TUBGCP3: variants seen among roughly 807,000 people sequenced by gnomAD.
TUBGCP3 encodes the protein gamma-tubulin complex component 3.
In TUBGCP3, 50 loss-of-function variants were observed where a neutral mutation model predicts 123.1. The observed-to-expected ratio is 0.41, with a 90% CI of 0.32 to 0.51. TUBGCP3 has a LOEUF of 0.51. Ranked by LOEUF, TUBGCP3 falls within the 20% of genes least tolerant of loss-of-function variation. The probability of loss-of-function intolerance (pLI) is 0.36; values close to 1 mark genes in which losing one functional copy is unlikely to be tolerated. For missense variants in TUBGCP3, 882 were observed against 1,127.0 expected (o/e 0.78, Z 3.11); for synonymous variants, 405 against 413.9 (o/e 0.98, Z 0.26).
At chr13:112,518,834 A>T (rs1876378863) in intron 16 of TUBGCP3, 141 bp downstream of exon 16, 4 of 676,306 alleles carry the variant, frequency 5.9e-6, no homozygotes, top group Admixed American at 5.1e-5. Flanking sequence ...TTTTGGCTTA[A>T]GTATTCATTC....
chr13:112,587,530 G>A (rs1368675327), intron 1 of TUBGCP3, among the ~76,000 whole-genome samples: 1 of 152,238 alleles, frequency 6.6e-6, no homozygotes, highest in African/African-American at 2.4e-5. Flanking sequence ...CCAGAGAAGG[G>A]GGATAAATTG....
chr13:112,578,452 G>A (rs894435772), intron 1 of TUBGCP3, among the ~76,000 whole-genome samples: 8 of 148,886 alleles, frequency 5.4e-5, no homozygotes, highest in Middle Eastern at 3.2e-3. Context: ...CCAGCTACTC[G>A]GGAGGCTGAG....
chr13:112,584,505 A>T (rs1882479051), intron 1 of TUBGCP3, among the ~76,000 whole-genome samples: 1 of 152,238 alleles, frequency 6.6e-6, no homozygotes, highest in African/African-American at 2.4e-5. Flanking sequence ...CTTCATCAAA[A>T]GCTCTTTACC....
chr13:112,563,645 C>T (rs553891828), intron 3 of TUBGCP3, among the ~76,000 whole-genome samples: 37 of 149,856 alleles, frequency 2.5e-4, no homozygotes, highest in Middle Eastern at 6.9e-3. Context: ...GGACAGATCA[C>T]GAAGTCAGGA....
the TUBGCP3 span, among the ~76,000 whole-genome samples, chr13:112,601,934 G>A: frequency 2.6e-5 from 4 of 152,174 alleles, no homozygotes; most frequent in Admixed American, 6.5e-5. Context: ...TGTCACTGCT[G>A]TTTTCATAAG....
At chr13:112,493,690 T>C (rs1880306594) in intron 20 of TUBGCP3, among the ~76,000 whole-genome samples, 1 of 145,284 alleles carries the variant, frequency 6.9e-6, no homozygotes. Flanking sequence ...TGAGACACTC[T>C]GGCTATGGGA....
intron 1 of TUBGCP3, among the ~76,000 whole-genome samples, chr13:112,572,028 T>C (rs1479237896): frequency 1.3e-5 from 2 of 152,238 alleles, no homozygotes; most frequent in African/African-American, 4.8e-5. Context: ...TTTCTCCATA[T>C]TAGCAATAAG....
At chr13:112,563,554 C>T (rs1400908272) in intron 3 of TUBGCP3, among the ~76,000 whole-genome samples, 1 of 151,914 alleles carries the variant, frequency 6.6e-6, no homozygotes, top group East Asian at 1.9e-4. Flanking sequence ...GGAAAACAAC[C>T]ATTTTAAGTC....
intron 8 of TUBGCP3, among the ~76,000 whole-genome samples, chr13:112,552,009 T>C (rs918048621): frequency 4.6e-5 from 7 of 152,152 alleles, no homozygotes; most frequent in African/African-American, 1.7e-4. Context: ...CACACTCCTA[T>C]GAAACTAATG....
upstream of TUBGCP3, among the ~76,000 whole-genome samples, chr13:112,590,387 C>T (rs1253798597): frequency 2.0e-5 from 3 of 152,126 alleles, no homozygotes; most frequent in East Asian, 1.9e-4. Context: ...CTGTTGCTCA[C>T]GGGTATACAG....
chr13:112,562,790 C>T (rs1170780471), intron 3 of TUBGCP3, among the ~76,000 whole-genome samples: 1 of 152,212 alleles, frequency 6.6e-6, no homozygotes. Flanking sequence ...TGTGCACAAA[C>T]TGAATTGTAC....
At chr13:112,589,622 T>A (rs1042563412), upstream of TUBGCP3, among the ~76,000 whole-genome samples, 19 of 152,242 alleles carry the variant, frequency 1.2e-4, no homozygotes, top group Non-Finnish European at 2.2e-4. Context: ...GACAAAGGAT[T>A]TTTAACCTTT....
At chr13:112,490,552 G>A (rs1331088246) in intron 20 of TUBGCP3, among the ~76,000 whole-genome samples, 1 of 152,206 alleles carries the variant, frequency 6.6e-6, no homozygotes, top group African/African-American at 2.4e-5. Context: ...ACCGCTCCTG[G>A]CCATGATTTA....
chr13:112,528,615 T>C (rs1012628298), intron 11 of TUBGCP3, among the ~76,000 whole-genome samples: 1 of 152,242 alleles, frequency 6.6e-6, no homozygotes, highest in Admixed American at 6.5e-5. Flanking sequence ...AGTGACCATT[T>C]GTGAATCATT....
the TUBGCP3 span, chr13:112,602,976 G>A: frequency 6.6e-6 from 1 of 152,254 alleles, no homozygotes; most frequent in Non-Finnish European, 1.5e-5. Context: ...GGTGTGCAAA[G>A]TCGGTTTTCT....
chr13:112,559,289 C>T (rs756534281), intron 4 of TUBGCP3, 33 bp downstream of exon 4: 41 of 1,578,994 alleles, frequency 2.6e-5, no homozygotes, highest in Middle Eastern at 3.4e-4. Flanking sequence ...GGTGTCCCGA[C>T]GGACACGACG....
At chr13:112,569,087 A>G (rs1881204098) in intron 2 of TUBGCP3, 65 bp downstream of exon 2, 1 of 1,495,448 alleles carries the variant, frequency 6.7e-7, no homozygotes, top group Admixed American at 1.8e-5. Flanking sequence ...ACATGCATAC[A>G]TACATCTGCT....
intron 12 of TUBGCP3, 106 bp downstream of exon 12, chr13:112,527,268 C>G: frequency 1.1e-6 from 1 of 881,530 alleles, no homozygotes; most frequent in East Asian, 2.5e-5. Context: ...AGAACGTTAA[C>G]AATCTCAAAA....
the TUBGCP3 span, among the ~76,000 whole-genome samples, chr13:112,598,271 C>T: frequency 2.0e-5 from 3 of 151,088 alleles, no homozygotes; most frequent in Non-Finnish European, 4.4e-5. Flanking sequence ...AAAGATTTAC[C>T]ACCAGCAGAT....
Sources: gnomAD v4.1 joint callset for allele counts (sites outside exome capture counted in the v4.1 genomes callset) on GRCh38, gnomAD v4.1.1 for gene constraint, MANE v1.5 for transcripts, NCBI Gene and HGNC (gene_info 2026-07-23, HGNC 2026-07-21) for gene names.